IFIH1: variants seen among roughly 807,000 people sequenced by gnomAD.
IFIH1 encodes interferon induced with helicase C domain 1.
In IFIH1, 125 loss-of-function variants were observed where a neutral mutation model predicts 107.4. The ratio of observed to expected loss-of-function variants is 1.16; its 90% CI spans 1.01 to 1.35. IFIH1 has a LOEUF of 1.35. IFIH1 is among the 40% of genes most tolerant of loss of function. The pLI, the probability that IFIH1 is intolerant of heterozygous loss-of-function variation, is 0.00. For synonymous variants in IFIH1, 458 were observed against 413.2 expected, an observed-to-expected ratio of 1.11 and a Z score of -1.31; for missense variants, 1,333 against 1,213.7, an observed-to-expected ratio of 1.10 and a Z score of -1.46.
chr2:162,290,695 C>T (rs951781851), intron 4 of IFIH1, among the ~76,000 whole-genome samples: 13 of 151,906 alleles, frequency 8.6e-5, no homozygotes. Context: ...GCTCAATAAT[C>T]TTCCATATTT....
rs551676739 is a variant in IFIH1, at chr2:162,278,140, A to G, written c.1765+65T>C. 3.6e-6 allele frequency: 5 copies of G among 1,391,146 alleles called. No individual in the cohort carries two copies. In the East Asian group the frequency reaches 9.3e-5, roughly 26 times the overall value. The allele number at this position is 1,391,146 out of a possible 1,614,324, so 86.2% of individuals were successfully genotyped here. On this transcript the variant is annotated intron_variant, in intron 9 of 15. Coordinates refer to ENST00000649979, the MANE Select transcript of IFIH1 (RefSeq NM_022168.4). ...TTCCATTTTTTGGGGAATCTGTGAT[A>G]TAGTCATCTAAAATCTTGGTATAAA...
chr2:162,311,490 A>AT (rs984450048), intron 1 of IFIH1, among the ~76,000 whole-genome samples: 1 of 151,598 alleles, frequency 6.6e-6, no homozygotes, highest in Non-Finnish European at 1.5e-5. Flanking sequence ...ACTATAATCA[A>AT]TTTTTCTCAA....
intron 3 of IFIH1, among the ~76,000 whole-genome samples, chr2:162,301,375 C>T (rs1439738179): frequency 1.3e-5 from 2 of 152,096 alleles, no homozygotes; most frequent in African/African-American, 2.4e-5. Flanking sequence ...GTAAAGGCGC[C>T]CTCTGCTGGC....
rs1553461352 is a variant in IFIH1, at chr2:162,314,398, C to CCTTTCTTTCTTTCTTT, written c.453+3441_453+3456dup. ...TCCCTCCCTCCCTCCCTCCCTCCCT[C>CCTTTCTTTCTTTCTTT]CTTTCTTTCTTTCTTTCTTTTCTTT... On this transcript the variant is annotated intron_variant, in intron 1 of 15. Coordinates refer to ENST00000649979, the MANE Select transcript of IFIH1 (RefSeq NM_022168.4). Among the ~76,000 whole-genome samples, 3 of 67,026 alleles carry CCTTTCTTTCTTTCTTT rather than the reference C, an allele frequency of 4.5e-5. 1 individual carries two copies. Among genetic ancestry groups the CCTTTCTTTCTTTCTTT allele is most frequent in the African/African-American group, 2.5e-4 (3 of 12,122 alleles). The allele number at this position is 67,026 out of a possible 152,430, so 44.0% of individuals were successfully genotyped here.
chr2:162,270,968 T>C (rs1345414859), intron 13 of IFIH1, among the ~76,000 whole-genome samples: 1 of 152,188 alleles, frequency 6.6e-6, no homozygotes, highest in Admixed American at 6.5e-5. Context: ...CCAATTCCAA[T>C]GTTAAGAAAC....
chr2:162,292,285 C>G (rs1683008502), intron 4 of IFIH1, among the ~76,000 whole-genome samples: 1 of 151,700 alleles, frequency 6.6e-6, no homozygotes, highest in Non-Finnish European at 1.5e-5. Flanking sequence ...AATTTTATGA[C>G]AAGGATAGAA....
intron 1 of IFIH1, among the ~76,000 whole-genome samples, chr2:162,314,899 G>A (rs368367941): frequency 6.6e-6 from 1 of 152,020 alleles, no homozygotes; most frequent in Non-Finnish European, 1.5e-5. Flanking sequence ...CATGGCATCC[G>A]GCACAAAGAT....
Position 162,303,068 on chromosome 2 carries a change from C to T in IFIH1, c.769+3641G>A, listed in dbSNP as rs111549772. 2.5e-3 allele frequency among the ~76,000 whole-genome samples: 377 copies of T among 152,244 alleles called. 5 individuals are homozygous for T. Among genetic ancestry groups the T allele is most frequent in the African/African-American group, 8.5e-3 (353 of 41,554 alleles). Reference sequence around the variant, plus strand: ...AAGTGTAGCTATACAGTTACTACTGCTGGGCCGACACCTCCCTCAGTGGAA... The same window carrying T: ...AAGTGTAGCTATACAGTTACTACTGTTGGGCCGACACCTCCCTCAGTGGAA... On this transcript the variant is annotated intron_variant, in intron 3 of 15. Transcript: ENST00000649979.
chr2:162,277,517 C>T lies in IFIH1; in HGVS notation c.1942G>A (p.Gly648Ser). ...FAVIEDDSDE[G>S]GDDEYCDGDE... is the part of the protein sequence containing the mutation. ...CCATCACAATACTCATCATCACCACCCTCATCACTATCATCTTCTATGACT... is the reference window on the plus strand; with the variant it reads ...CCATCACAATACTCATCATCACCACTCTCATCACTATCATCTTCTATGACT... Residue 648 changes from glycine (G) to serine (S), a missense_variant, in exon 10 of 16, where the codon GGT becomes AGT. Transcript: ENST00000649979. The T allele has an allele frequency of 1.3e-6, 2 of 1,582,454 alleles. No homozygotes were observed. The highest frequency in any genetic ancestry group is 2.2e-5 in the South Asian group (2 of 90,382).
chr2:162,306,185 G>T (rs1446161133), intron 3 of IFIH1, among the ~76,000 whole-genome samples: 1 of 152,168 alleles, frequency 6.6e-6, no homozygotes, highest in Non-Finnish European at 1.5e-5. Flanking sequence ...GTATCAAAAA[G>T]GTGGACATGG....
At chr2:162,285,764 G>A (rs1459340605) in intron 5 of IFIH1, among the ~76,000 whole-genome samples, 1 of 151,864 alleles carries the variant, frequency 6.6e-6, no homozygotes, top group Non-Finnish European at 1.5e-5. Flanking sequence ...GAGAAGAGAA[G>A]GGAATATTAT....
intron 11 of IFIH1, among the ~76,000 whole-genome samples, chr2:162,274,836 T>C (rs1691119856): frequency 6.6e-6 from 1 of 152,050 alleles, no homozygotes; most frequent in South Asian, 2.1e-4. Context: ...CCCCATACAT[T>C]AAACAAAAAT....
intron 6 of IFIH1, among the ~76,000 whole-genome samples, chr2:162,281,897 G>A (rs1190432415): frequency 3.3e-5 from 5 of 151,898 alleles, no homozygotes; most frequent in Admixed American, 3.3e-4. Context: ...TTAATTTTAG[G>A]TTGGTGAATT....
chr2:162,288,838 T>C (rs1388769496), intron 4 of IFIH1, among the ~76,000 whole-genome samples: 1 of 151,836 alleles, frequency 6.6e-6, no homozygotes, highest in Non-Finnish European at 1.5e-5. Flanking sequence ...CCCCTTTTTT[T>C]AATTGCAAAG....
rs770119540 is a variant in IFIH1 at position 162,318,319 on chromosome 2, A to T, written c.-12T>A. ...TACCCATTCGACATCTTTCTTTCTC[A>T]GAGAAGGGAGAGGGTTCTCCCAAGC... On this transcript the variant is annotated 5_prime_UTR_variant, in exon 1 of 16. Coordinates refer to ENST00000649979, the MANE Select transcript of IFIH1 (RefSeq NM_022168.4). 1.9e-6 allele frequency: 3 copies of T among 1,598,660 alleles called. No individual in the cohort carries two copies. Among genetic ancestry groups the T allele is most frequent in the African/African-American group, 2.7e-5 (2 of 74,774 alleles).
At position 162,310,818 on chromosome 2, in the gene IFIH1, T is replaced by C; in HGVS notation, c.569A>G (p.Asn190Ser). The C allele has an allele frequency of 6.2e-7, 1 of 1,613,900 alleles. No homozygotes were observed. Among genetic ancestry groups the C allele is most frequent in the Non-Finnish European group, 8.5e-7 (1 of 1,179,864 alleles). The change falls in exon 2 of 16, where the codon AAC becomes AGC. Residue 190 changes from asparagine to serine, a missense_variant. Transcript: ENST00000649979. ...AFLNVLRQTG[N>S]NELVQELTGS... The stretch of plus-strand genomic sequence containing the variant: ...TGTTAACTCTTGGACAAGTTCATTG[T>C]TTCCTGTTTGACGAAGAACATTCAG...
rs1429657258 is a variant in IFIH1, at chr2:162,278,324, G to A, written c.1646C>T (p.Pro549Leu). The change falls in exon 9 of 16, where the codon CCA (proline) becomes CTA (leucine). Residue 549 changes from proline to leucine, a missense_variant. Physicochemically the swap from Pro to Leu is moderately conservative, Grantham distance 98. Transcript: ENST00000649979. The stretch of plus-strand genomic sequence containing the variant: ...TATTTCTAGAAGTTTCTCTTTAAAT[G>A]GATCCTAAAAATAAAGTACACACTT... ...FAIADATREDPFKEKLLEIMT... is the reference protein window; with the variant it reads ...FAIADATREDLFKEKLLEIMT... 1.5e-6 allele frequency: 2 copies of A among 1,346,748 alleles called. No individual in the cohort carries two copies. Among genetic ancestry groups the A allele is most frequent in the East Asian group, 4.6e-5 (2 of 43,040 alleles). The allele number at this position is 1,346,748 out of a possible 1,614,324, so 83.4% of individuals were successfully genotyped here.
chr2:162,306,706 T>A lies in IFIH1; in HGVS notation c.769+3A>T, dbSNP rs769979161. The A allele has an allele frequency of 6.2e-7, 1 of 1,613,382 alleles. No homozygotes were observed. The highest frequency in any genetic ancestry group is 8.5e-7 in the Non-Finnish European group (1 of 1,179,478). ...TATTAAAGTACGTATGTGTTTCAAG[T>A]ACCTGAAACTACAGAAGAATCTGCA... On this transcript the variant is annotated splice_donor_region_variant and intron_variant, in intron 3 of 15. Coordinates refer to ENST00000649979, the MANE Select transcript of IFIH1 (RefSeq NM_022168.4).
Position 162,277,499 on chromosome 2 carries a change from A to C in IFIH1, c.1960T>G (p.Cys654Gly), listed in dbSNP as rs987124852. Residue 654 changes from cysteine (C) to glycine (G), a missense_variant, in exon 10 of 16, where the codon TGT becomes GGT. Physicochemically the swap from Cys to Gly is radical, Grantham distance 159 (BLOSUM62 -3). Coordinates refer to ENST00000649979, the MANE Select transcript of IFIH1 (RefSeq NM_022168.4). ...TCATCCTCATCTTCATCACCATCAC[A>C]ATACTCATCATCACCACCCTCATCA... is the stretch of plus-strand genomic sequence containing the variant. The part of the protein sequence containing the change: ...DSDEGGDDEY[C>G]DGDEDEDDLK... The C allele has an allele frequency of 6.3e-7, 1 of 1,586,464 alleles. No homozygotes were observed. Among genetic ancestry groups the C allele is most frequent in the African/African-American group, 1.3e-5 (1 of 74,362 alleles).
Sources: gnomAD v4.1 joint callset for allele counts (sites outside exome capture counted in the v4.1 genomes callset) on GRCh38, gnomAD v4.1.1 for gene constraint, MANE v1.5 for transcripts, NCBI Gene and HGNC (gene_info 2026-07-23, HGNC 2026-07-21) for gene names.